The following FAM186A variants were observed in gnomAD, a reference collection of about 807,000 sequenced individuals.
The protein encoded by FAM186A is family with sequence similarity 186 member A, also known as protein FAM186A.
In FAM186A, 163 loss-of-function variants were observed where a neutral mutation model predicts 216.8. That is an observed-to-expected ratio of 0.75 (90% confidence interval 0.66 to 0.86). The LOEUF (loss-of-function observed/expected upper bound fraction) is 0.86, where lower values mean the gene tolerates loss of function less well. Ranked by LOEUF, FAM186A falls within the 40% of genes least tolerant of loss-of-function variation. The probability of loss-of-function intolerance (pLI) is 0.00; values close to 1 mark genes in which losing one functional copy is unlikely to be tolerated. For synonymous variants in FAM186A, 805 were observed against 1,025.3 expected, an observed-to-expected ratio of 0.79 and a Z score of 4.10; for missense variants, 2,184 against 2,746.2, an observed-to-expected ratio of 0.80 and a Z score of 4.58.
At chr12:50,382,474 C>G (rs1943262512) in intron 1 of FAM186A, among the ~76,000 whole-genome samples, 1 of 151,942 alleles carries the variant, frequency 6.6e-6, no homozygotes, top group African/African-American at 2.4e-5. Context: ...CTGAAGTGAG[C>G]AGATCACTTG....
intron 1 of FAM186A, among the ~76,000 whole-genome samples, chr12:50,395,618 G>A (rs1195473770): frequency 6.6e-6 from 1 of 151,638 alleles, no homozygotes; most frequent in Non-Finnish European, 1.5e-5. Context: ...CTGACATTAT[G>A]TAAACACTCT....
Position 50,363,236 on chromosome 12 carries a change from G to C in FAM186A, c.321C>G (p.Thr107=), listed in dbSNP as rs1439321459. 6.4e-7 allele frequency: 1 copy of C among 1,551,478 alleles called. No individual in the cohort carries two copies. The highest frequency in any genetic ancestry group is 2.0e-5 in the Admixed American group (1 of 50,990). The change falls in exon 2 of 8, where the codon ACC becomes ACG. Residue 107 remains threonine (T), a synonymous_variant. Coordinates refer to ENST00000327337, the MANE Select transcript of FAM186A (RefSeq NM_001145475.3). ...AAGTAGCCATTTTCTCAAGAAAATT[G>C]GTTCTCTGTTTTTTCTTATGTTCTG... is the stretch of plus-strand genomic sequence containing the variant. ...SLTEHKKKQR[T]NFLEKMATYA... is the part of the protein sequence containing the mutation.
chr12:50,359,942 T>C (rs1199636384), intron 3 of FAM186A, among the ~76,000 whole-genome samples: 1 of 152,156 alleles, frequency 6.6e-6, no homozygotes, highest in Non-Finnish European at 1.5e-5. Context: ...AATGGAAATG[T>C]TCTAAAATTA....
intron 1 of FAM186A, among the ~76,000 whole-genome samples, chr12:50,388,150 G>A (rs892554277): frequency 6.6e-6 from 1 of 152,170 alleles, no homozygotes; most frequent in Non-Finnish European, 1.5e-5. Flanking sequence ...AGGTTGGGGG[G>A]TGGGGTTGAA....
At position 50,353,089 on chromosome 12, in the gene FAM186A, G is replaced by T; in HGVS notation, c.3743C>A (p.Ala1248Glu). 6.5e-7 allele frequency: 1 copy of T among 1,539,404 alleles called. No individual in the cohort carries two copies. Among genetic ancestry groups the T allele is most frequent in the South Asian group, 1.2e-5 (1 of 83,722 alleles). The part of the protein sequence containing the change: ...QLGIPLTPQQ[A>E]QALGITLTPK... ...GGTGAGAGTGATTCCGAGAGCCTGC[G>T]CCTGCTGAGGGGTGAGAGGGATCCC... Residue 1248 changes from alanine (A) to glutamate (E), a missense_variant, in exon 4 of 8, where the codon GCG (alanine) becomes GAG (glutamate). This residue lies in a region of FAM186A where 267 missense variants were observed against 446.2 expected (regional missense o/e 0.60). Transcript: ENST00000327337.
chr12:50,347,499 G>A (rs977911168), intron 4 of FAM186A, among the ~76,000 whole-genome samples: 6 of 152,034 alleles, frequency 3.9e-5, no homozygotes, highest in Non-Finnish European at 7.4e-5. Flanking sequence ...GGGAGGCTGA[G>A]GCAGGTGGAC....
chr12:50,354,571 T>A lies in FAM186A; in HGVS notation c.2261A>T (p.Lys754Met). Residue 754 changes from lysine to methionine, a missense_variant, in exon 4 of 8, where the codon AAG becomes ATG. Lys to Met is a moderately conservative substitution (Grantham distance 95, BLOSUM62 -1). This residue lies in a region of FAM186A where 1,132 missense variants were observed against 1,263.4 expected (regional missense o/e 0.90). Transcript: ENST00000327337. ...QVGEKPIKQK[K>M]VVSFMPGLHF... is the part of the protein sequence containing the mutation. ...CAATCCTGGCATAAATGAGACTACC[T>A]TTTTTTGTTTTATAGGTTTCTCTCC... 7 of 1,550,864 alleles carry A rather than the reference T, an allele frequency of 4.5e-6. No individual in the cohort carries two copies. Among genetic ancestry groups the A allele is most frequent in the Non-Finnish European group, 6.1e-6 (7 of 1,146,822 alleles).
chr12:50,370,806 C>T (rs988909053), intron 1 of FAM186A, among the ~76,000 whole-genome samples: 12 of 151,904 alleles, frequency 7.9e-5, no homozygotes, highest in African/African-American at 2.9e-4. Flanking sequence ...TATATATATA[C>T]ACAATGGAGG....
chr12:50,346,245 G>GAAAGAAAGAAAGAAAGAAAGAAAGAA (rs1565881697), intron 4 of FAM186A, among the ~76,000 whole-genome samples: 1 of 149,048 alleles, frequency 6.7e-6, no homozygotes, highest in Non-Finnish European at 1.5e-5. Context: ...AAAAAAGAAA[G>GAAAGAAAGAAAGAAAGAAAGAAAGAA]AAAGAAAGAA....
chr12:50,386,715 C>G (rs760757771), intron 1 of FAM186A, among the ~76,000 whole-genome samples: 5 of 151,718 alleles, frequency 3.3e-5, no homozygotes, highest in African/African-American at 4.8e-5. Context: ...CAAAAATTAT[C>G]CAGGCATGAT....
At position 50,363,152 on chromosome 12, in the gene FAM186A, T is replaced by G; in HGVS notation, c.405A>C (p.Glu135Asp). 6.5e-7 allele frequency: 1 copy of G among 1,546,838 alleles called. No homozygotes were observed. Among genetic ancestry groups the G allele is most frequent in the East Asian group, 2.4e-5 (1 of 40,862 alleles). Residue 135 changes from glutamate to aspartate, a missense_variant, in exon 2 of 8, where the codon GAA (glutamate) becomes GAC (aspartate). Glu to Asp is a conservative substitution (Grantham distance 45). Around this residue, in one of 7 missense-constraint regions of FAM186A, gnomAD observed 1,132 missense variants for 1,263.4 expected, o/e 0.90. Coordinates refer to ENST00000327337, the MANE Select transcript of FAM186A (RefSeq NM_001145475.3). ...CCGCTTCTGTAAACTTACTCCATTC[T>G]TCCAACCAGGCCAGAATGTTGGCAA... ...KTLANILAWL[E>D]EWNDVLSEMT...
chr12:50,388,726 G>C (rs1283199870), intron 1 of FAM186A, among the ~76,000 whole-genome samples: 2 of 152,102 alleles, frequency 1.3e-5, no homozygotes, highest in Non-Finnish European at 2.9e-5. Flanking sequence ...CCTAGGAAGG[G>C]GCAATAGTTT....
chr12:50,342,719 C>G (rs549270785), intron 4 of FAM186A, among the ~76,000 whole-genome samples: 1 of 150,842 alleles, frequency 6.6e-6, no homozygotes, highest in South Asian at 2.1e-4. Context: ...GTGATCCACC[C>G]GCCTCAGCCT....
At position 50,354,783 on chromosome 12, in the gene FAM186A, T is replaced by A. The variant is rs139734476; in HGVS notation, c.2049A>T (p.Lys683Asn). 536 of 1,534,968 alleles carry A rather than the reference T, an allele frequency of 3.5e-4. 2 individuals are homozygous for A. The African/African-American group carries it at 6.6e-3, about 19-fold the overall frequency. Residue 683 changes from lysine to asparagine, a missense_variant, in exon 4 of 8, where the codon AAA (lysine) becomes AAT (asparagine). Lys to Asn is a moderately conservative substitution (Grantham distance 94). Coordinates refer to ENST00000327337, the MANE Select transcript of FAM186A (RefSeq NM_001145475.3). The part of the protein sequence containing the change: ...QEAIMAFLKQ[K>N]IDNIGKAFDK... Reference sequence around the variant, plus strand: ...CAAAAGCCTTTCCTATGTTATCAATTTTCTGTTTTAGGAAAGCCATTATGG... The same window carrying A: ...CAAAAGCCTTTCCTATGTTATCAATATTCTGTTTTAGGAAAGCCATTATGG...
intron 7 of FAM186A, among the ~76,000 whole-genome samples, 189 bp from the exon 8 acceptor site, chr12:50,327,593 G>A (rs1942618232): frequency 6.9e-6 from 1 of 144,294 alleles, no homozygotes; most frequent in Non-Finnish European, 1.5e-5. Flanking sequence ...ACAGGCTGTA[G>A]TACAGTGGTG....
intron 1 of FAM186A, among the ~76,000 whole-genome samples, chr12:50,366,284 A>G (rs949454322): frequency 6.6e-6 from 1 of 152,194 alleles, no homozygotes; most frequent in Non-Finnish European, 1.5e-5. Flanking sequence ...GATGAAGAAT[A>G]ACATTACAAG....
chr12:50,329,813 C>G (rs1220794686), intron 7 of FAM186A, among the ~76,000 whole-genome samples: 1 of 152,110 alleles, frequency 6.6e-6, no homozygotes, highest in Non-Finnish European at 1.5e-5. Flanking sequence ...CCAGGTTGGT[C>G]TGAAACTCCT....
intron 1 of FAM186A, among the ~76,000 whole-genome samples, chr12:50,390,573 A>G (rs4768928): frequency 0.7 from 105,761 of 152,018 alleles, 43,799 homozygotes; most frequent in Non-Finnish European, 0.93. Flanking sequence ...GACTATTTTG[A>G]TTGCTGCTTT....
intron 1 of FAM186A, among the ~76,000 whole-genome samples, chr12:50,383,521 G>C (rs1171781299): frequency 6.6e-6 from 1 of 151,870 alleles, no homozygotes; most frequent in Non-Finnish European, 1.5e-5. Flanking sequence ...ACTAGAACCC[G>C]GGAGGCAGAA....
Sources: allele counts gnomAD v4.1 joint callset (sites outside exome capture counted in the v4.1 genomes callset), GRCh38; gene constraint gnomAD v4.1.1; regional missense constraint gnomAD v4.1.1; transcripts MANE v1.5; gene names NCBI Gene and HGNC (gene_info 2026-07-23, HGNC 2026-07-21).